The following CLIP2 variants were observed in gnomAD, a reference collection of about 807,000 sequenced individuals.
CLIP2 encodes the protein CAP-Gly domain containing linker protein 2, also known as CAP-Gly domain-containing linker protein 2.
CLIP2 carries 41 observed loss-of-function variants against 111.7 expected under a neutral mutation model. The ratio of observed to expected loss-of-function variants is 0.37; its 90% CI spans 0.29 to 0.48. CLIP2 has a LOEUF of 0.48. Among genes scored for constraint, CLIP2 ranks in the 20% least tolerant of loss-of-function variants. CLIP2 has a pLI of 0.99. For missense variants in CLIP2, 1,160 were observed against 1,422.1 expected, an observed-to-expected ratio of 0.82 and a Z score of 2.96; for synonymous variants, 660 against 644.2, an observed-to-expected ratio of 1.02 and a Z score of -0.37.
At chr7:74,298,911 G>A (rs1277573783) in intron 1 of CLIP2, among the ~76,000 whole-genome samples, 1 of 152,144 alleles carries the variant, frequency 6.6e-6, no homozygotes, top group Non-Finnish European at 1.5e-5. Flanking sequence ...TAGGAACCCG[G>A]CATGGCACGT....
At chr7:74,360,770 C>T (rs1554309557) in intron 7 of CLIP2, among the ~76,000 whole-genome samples, 3 of 152,078 alleles carry the variant, frequency 2.0e-5, no homozygotes, top group Non-Finnish European at 4.4e-5. Context: ...AGGCTAGTCT[C>T]GAACTCCTGA....
rs1003654590 is a variant in CLIP2 at position 74,364,200 on chromosome 7, G to A, written c.1320-55G>A. 3.9e-6 allele frequency: 6 copies of A among 1,529,128 alleles called. No homozygotes were observed. The Admixed American group carries it at 1.1e-4, about 27-fold the overall frequency. The allele number at this position is 1,529,128 out of a possible 1,614,324, so 94.7% of individuals were successfully genotyped here. A position where few individuals can be genotyped will look rare whatever the true frequency, so the allele number is the denominator to read the frequency against. On this transcript the variant is annotated intron_variant, in intron 7 of 16. Coordinates refer to ENST00000223398, the MANE Select transcript of CLIP2 (RefSeq NM_003388.5). Reference sequence around the variant, plus strand: ...CTCTCTCTGCTGTTGCTCATTCGGTGAATCCCGTTGCTCTGGGCAAAGCCA... The same window carrying A: ...CTCTCTCTGCTGTTGCTCATTCGGTAAATCCCGTTGCTCTGGGCAAAGCCA...
chr7:74,399,547 G>T (rs1273987312), intron 14 of CLIP2, among the ~76,000 whole-genome samples: 5 of 127,536 alleles, frequency 3.9e-5, no homozygotes, highest in South Asian at 3.3e-4. Flanking sequence ...TTTTTTGGGG[G>T]GGGGGGGGTG....
chr7:74,349,522 A>G (rs1362295944), intron 3 of CLIP2, among the ~76,000 whole-genome samples: 4 of 142,672 alleles, frequency 2.8e-5, no homozygotes, highest in Admixed American at 2.1e-4. Context: ...GTAAATAAAA[A>G]TTAAAAATCA....
intron 8 of CLIP2, among the ~76,000 whole-genome samples, chr7:74,367,534 C>T (rs782799750): frequency 6.6e-6 from 1 of 151,912 alleles, no homozygotes; most frequent in Non-Finnish European, 1.5e-5. Context: ...CTATATTGCC[C>T]AGGCTGGTCT....
intron 2 of CLIP2, among the ~76,000 whole-genome samples, chr7:74,319,019 C>T (rs1253421529): frequency 3.3e-5 from 5 of 152,248 alleles, no homozygotes; most frequent in Admixed American, 1.3e-4. Flanking sequence ...TGAGGCCCGT[C>T]GGCAGAAGCC....
intron 3 of CLIP2, among the ~76,000 whole-genome samples, chr7:74,345,856 A>AAG (rs1232073001): frequency 2.0e-5 from 3 of 151,590 alleles, no homozygotes; most frequent in Non-Finnish European, 4.4e-5. Context: ...TCAAGAAAGC[A>AAG]AGAGAGAGAG....
rs782480033 is a variant in CLIP2, at chr7:74,376,742, G to C, written c.2341G>C (p.Glu781Gln). Residue 781 changes from glutamate to glutamine, a missense_variant, in exon 10 of 17, where the codon GAG becomes CAG. By Grantham distance (29) the Glu-to-Gln change is conservative. Transcript: ENST00000223398. The surrounding 1 kb of genome is among the most constrained non-coding windows in gnomAD (Gnocchi z 7.1). ...RAEAQGKQEV[E>Q]SLREKLLVAE... ...AGAAGCCCAGGGCAAACAGGAGGTC[G>C]AGAGTTTGCGGGAGAAGCTCCTGGT... 2.5e-6 allele frequency: 4 copies of C among 1,612,538 alleles called. No homozygotes were observed. The African/African-American group carries it at 4.0e-5, about 16-fold the overall frequency.
intron 1 of CLIP2, among the ~76,000 whole-genome samples, chr7:74,300,535 A>T (rs1468844014): frequency 6.6e-6 from 1 of 150,406 alleles, no homozygotes. Context: ...GGCTCATTGC[A>T]AACTCCGCCT....
intron 2 of CLIP2, among the ~76,000 whole-genome samples, chr7:74,336,709 G>A (rs1364818920): frequency 6.6e-6 from 1 of 151,940 alleles, no homozygotes; most frequent in Admixed American, 6.6e-5. Context: ...CTATTGTCTG[G>A]GAGCTCAGGT....
chr7:74,312,682 G>A (rs1486493466), intron 1 of CLIP2, among the ~76,000 whole-genome samples: 7 of 152,072 alleles, frequency 4.6e-5, no homozygotes, highest in African/African-American at 7.2e-5. Flanking sequence ...ATTGACTCCC[G>A]GCCCCCAGAA....
chr7:74,390,171 AAG>A (rs782150933), intron 13 of CLIP2, among the ~76,000 whole-genome samples: 2 of 35,800 alleles, frequency 5.6e-5, no homozygotes, highest in Admixed American at 2.9e-4. Flanking sequence ...AGAAGAAAGA[AAG>A]AAAGAAAGAA....
rs147427796 is a variant in CLIP2, at chr7:74,311,892, A to G, written c.-67-5588A>G. 2.0e-3 allele frequency among the ~76,000 whole-genome samples: 298 copies of G among 150,608 alleles called. 1 individual carries two copies. The highest frequency in any genetic ancestry group is 4.0e-3 in the African/African-American group (163 of 41,206). Reference sequence around the variant, plus strand: ...GTGTCACTGCACTCCAGCCTGGGCGATAGAGCAAGACCACATCTCAAGAAT... The same window carrying G: ...GTGTCACTGCACTCCAGCCTGGGCGGTAGAGCAAGACCACATCTCAAGAAT... On this transcript the variant is annotated intron_variant, in intron 1 of 16. Transcript: ENST00000223398.
At chr7:74,397,543 C>A (rs80159115) in intron 14 of CLIP2, among the ~76,000 whole-genome samples, 2,771 of 152,040 alleles carry the variant, frequency 0.018, 81 homozygotes, top group African/African-American at 0.062. Context: ...GAGGAGTAAT[C>A]AACCACAAGC....
intron 2 of CLIP2, among the ~76,000 whole-genome samples, chr7:74,327,310 C>A (rs1398578578): frequency 3.9e-5 from 6 of 152,122 alleles, no homozygotes; most frequent in Non-Finnish European, 7.4e-5. Context: ...ACCATCTTGG[C>A]CAGGCTGGTC....
chr7:74,404,209 T>A lies in CLIP2; in HGVS notation c.*361T>A. 1 of 269,438 alleles carries A rather than the reference T, an allele frequency of 3.7e-6. No individual in the cohort carries two copies. Among genetic ancestry groups the A allele is most frequent in the Non-Finnish European group, 7.3e-6 (1 of 137,492 alleles). 16.7% of individuals were successfully genotyped at this position (269,438 alleles called of 1,614,324 possible). A position where few individuals can be genotyped will look rare whatever the true frequency, so the allele number is the denominator to read the frequency against. ...GACCATCTTAGCGGCCCTGTCCTCT[T>A]TTTCCGCCCATTCTCCCTCGGGTCT... On this transcript the variant is annotated 3_prime_UTR_variant, in exon 17 of 17. Transcript: ENST00000223398.
intron 2 of CLIP2, among the ~76,000 whole-genome samples, chr7:74,326,663 A>T (rs1475673440): frequency 1.3e-5 from 2 of 150,238 alleles, no homozygotes; most frequent in African/African-American, 4.9e-5. Flanking sequence ...TTGAGACGGA[A>T]TCTCTCTCTT....
intron 14 of CLIP2, among the ~76,000 whole-genome samples, chr7:74,399,439 G>A (rs150152696): frequency 0.012 from 1,863 of 151,996 alleles, 22 homozygotes; most frequent in Non-Finnish European, 0.021. Flanking sequence ...TCGGGAGGCT[G>A]AGGTGGGAGG....
intron 4 of CLIP2, among the ~76,000 whole-genome samples, chr7:74,354,842 G>A (rs1790103396): frequency 1.3e-5 from 2 of 152,288 alleles, no homozygotes; most frequent in South Asian, 4.2e-4. Context: ...TGGCATTGGG[G>A]TCCCCTGAAT....
Sources: allele counts gnomAD v4.1 joint callset (sites outside exome capture counted in the v4.1 genomes callset), GRCh38; gene constraint gnomAD v4.1.1; non-coding constraint Gnocchi (gnomAD v3.1); transcripts MANE v1.5; gene names NCBI Gene and HGNC (gene_info 2026-07-23, HGNC 2026-07-21).